The following GULP1 variants were observed in gnomAD, a reference collection of about 807,000 sequenced individuals.
GULP1 encodes GULP PTB domain containing engulfment adaptor 1, also known as PTB domain-containing engulfment adapter protein 1.
Under a neutral mutation model 40.9 loss-of-function variants are expected in GULP1, and 19 were observed. That is an observed-to-expected ratio of 0.46 (90% CI 0.32 to 0.68). The LOEUF (loss-of-function observed/expected upper bound fraction) is 0.68, where lower values mean the gene tolerates loss of function less well. GULP1 is among the 30% of genes least tolerant of loss of function. The pLI is 0.03. For synonymous variants in GULP1, 119 were observed against 117.6 expected (o/e 1.01, Z -0.08); for missense variants, 312 against 362.2 (o/e 0.86, Z 1.12).
At chr2:188,543,977 T>C (rs1335138822) in intron 7 of GULP1, among the ~76,000 whole-genome samples, 2 of 152,138 alleles carry the variant, frequency 1.3e-5, no homozygotes, top group African/African-American at 4.8e-5. Flanking sequence ...GTCCTCCTTC[T>C]TCCATGGTGA....
rs1196561922 is a variant in GULP1 at position 188,402,652 on chromosome 2, C to T, written c.-45+18763C>T. Among the ~76,000 whole-genome samples, 3 of 151,978 alleles carry T rather than the reference C, an allele frequency of 2.0e-5. No homozygotes were observed. The East Asian group carries it at 5.8e-4, about 29-fold the overall frequency. Reference sequence around the variant, plus strand: ...GAATGTTTAAATGACTTTCTCTATACAAAATTTTGGCTTAGTTAGGAGTAC... The same window carrying T: ...GAATGTTTAAATGACTTTCTCTATATAAAATTTTGGCTTAGTTAGGAGTAC... On this transcript the variant is annotated intron_variant, in intron 2 of 11. Coordinates refer to ENST00000409830, the MANE Select transcript of GULP1 (RefSeq NM_016315.4).
At chr2:188,509,915 C>CTG (rs967226030) in intron 4 of GULP1, among the ~76,000 whole-genome samples, 1 of 152,028 alleles carries the variant, frequency 6.6e-6, no homozygotes, top group African/African-American at 2.4e-5. Flanking sequence ...ATTTTGTTCA[C>CTG]TGATGTATCC....
At chr2:188,503,113 C>A (rs1329316314) in intron 4 of GULP1, among the ~76,000 whole-genome samples, 1 of 151,874 alleles carries the variant, frequency 6.6e-6, no homozygotes, top group African/African-American at 2.4e-5. Flanking sequence ...TGAGGGAGTA[C>A]AGTATTTAAA....
At chr2:188,367,491 A>G (rs1249504603) in intron 1 of GULP1, among the ~76,000 whole-genome samples, 1 of 152,214 alleles carries the variant, frequency 6.6e-6, no homozygotes, top group Non-Finnish European at 1.5e-5. Flanking sequence ...ATGGAGAATC[A>G]GGTGGTATTT....
intron 1 of GULP1, among the ~76,000 whole-genome samples, chr2:188,317,259 A>G (rs1021078471): frequency 6.6e-6 from 1 of 152,132 alleles, no homozygotes; most frequent in Non-Finnish European, 1.5e-5. Flanking sequence ...GCACAGATGT[A>G]GGTGAGGACT....
At chr2:188,568,079 C>T (rs1698191550) in intron 7 of GULP1, among the ~76,000 whole-genome samples, 1 of 151,774 alleles carries the variant, frequency 6.6e-6, no homozygotes, top group South Asian at 2.1e-4. Context: ...ACATATTTTG[C>T]ATTTTTTAGT....
intron 1 of GULP1, chr2:188,293,211 T>TC (rs1394419430): frequency 6.6e-6 from 1 of 152,224 alleles, no homozygotes; most frequent in Admixed American, 6.5e-5. Flanking sequence ...AAGGTACCCC[T>TC]CCCTAGGTCC....
chr2:188,304,425 G>A, intron 1 of GULP1, among the ~76,000 whole-genome samples: 1 of 152,130 alleles, frequency 6.6e-6, no homozygotes. Context: ...TATGTCCTAA[G>A]CATCATGTTA....
At chr2:188,426,632 AAC>A (rs1314614660) in intron 2 of GULP1, among the ~76,000 whole-genome samples, 1 of 152,232 alleles carries the variant, frequency 6.6e-6, no homozygotes, top group East Asian at 1.9e-4. Flanking sequence ...TATCTTATAC[AAC>A]AGTCTCTTTT....
At chr2:188,486,557 AT>A (rs1361285444) in intron 4 of GULP1, among the ~76,000 whole-genome samples, 1 of 151,966 alleles carries the variant, frequency 6.6e-6, no homozygotes, top group Non-Finnish European at 1.5e-5. Flanking sequence ...GTTTTAAAGC[AT>A]TAGTGTTCTG....
chr2:188,396,317 G>T (rs1195849257), intron 2 of GULP1, among the ~76,000 whole-genome samples: 3 of 152,348 alleles, frequency 2.0e-5, no homozygotes, highest in Non-Finnish European at 4.4e-5. Context: ...CCGAGCTGTG[G>T]TTCCCCACAT....
At chr2:188,545,529 A>G (rs1691693660) in intron 7 of GULP1, among the ~76,000 whole-genome samples, 1 of 151,938 alleles carries the variant, frequency 6.6e-6, no homozygotes, top group Non-Finnish European at 1.5e-5. Context: ...GGTAACTATG[A>G]TAAGTTATAT....
At chr2:188,409,346 G>A (rs2053567578) in intron 2 of GULP1, among the ~76,000 whole-genome samples, 3 of 152,060 alleles carry the variant, frequency 2.0e-5, no homozygotes, top group Admixed American at 6.6e-5. Context: ...CAATAACTTG[G>A]ATAAGGTAGA....
At chr2:188,358,273 G>A (rs762798599) in intron 1 of GULP1, among the ~76,000 whole-genome samples, 12 of 152,078 alleles carry the variant, frequency 7.9e-5, no homozygotes, top group East Asian at 1.9e-4. Context: ...ACTTATACTC[G>A]GAAGCTCAAA....
chr2:188,486,250 A>G (rs940084282), intron 4 of GULP1, among the ~76,000 whole-genome samples: 2 of 152,062 alleles, frequency 1.3e-5, no homozygotes, highest in African/African-American at 4.8e-5. Context: ...GTATGTGGTA[A>G]TAAGTTTACC....
intron 2 of GULP1, among the ~76,000 whole-genome samples, chr2:188,431,412 G>T (rs982003326): frequency 1.3e-5 from 2 of 152,172 alleles, no homozygotes; most frequent in Non-Finnish European, 2.9e-5. Context: ...AGGGTGGACA[G>T]TTGAAAGCAG....
intron 2 of GULP1, among the ~76,000 whole-genome samples, chr2:188,474,063 C>T (rs915517970): frequency 6.6e-6 from 1 of 152,224 alleles, no homozygotes; most frequent in Admixed American, 6.5e-5. Context: ...TGCAAGATGT[C>T]TAGAAATGTT....
At chr2:188,431,931 A>C (rs1575204415) in intron 2 of GULP1, among the ~76,000 whole-genome samples, 1 of 151,966 alleles carries the variant, frequency 6.6e-6, no homozygotes, top group East Asian at 1.9e-4. Flanking sequence ...ACTTTGAATT[A>C]GATAAAAATT....
At chr2:188,566,045 A>G (rs912655928) in intron 7 of GULP1, among the ~76,000 whole-genome samples, 5 of 152,140 alleles carry the variant, frequency 3.3e-5, no homozygotes, top group African/African-American at 1.2e-4. Flanking sequence ...GGCATAAGAG[A>G]CATTCTGGTG....
Sources: gnomAD v4.1 joint callset for allele counts (sites outside exome capture counted in the v4.1 genomes callset) on GRCh38, gnomAD v4.1.1 for gene constraint, MANE v1.5 for transcripts, NCBI Gene and HGNC (gene_info 2026-07-23, HGNC 2026-07-21) for gene names.